The following PPP5C variants were observed in gnomAD, a reference collection of about 807,000 sequenced individuals.
The protein encoded by PPP5C is protein phosphatase 5 catalytic subunit.
In PPP5C, 21 loss-of-function variants were observed where a neutral mutation model predicts 66.7. That is an observed-to-expected ratio of 0.31 (90% confidence interval 0.22 to 0.45). The LOEUF (loss-of-function observed/expected upper bound fraction) is 0.45, where lower values mean the gene tolerates loss of function less well. PPP5C is among the 20% of genes least tolerant of loss of function. The pLI is 1.00. For synonymous variants in PPP5C, 246 were observed against 257.4 expected (o/e 0.96, Z 0.43); for missense variants, 464 against 675.9 (o/e 0.69, Z 3.48).
Position 46,376,317 on chromosome 19 carries a change from G to A in PPP5C, c.512-136G>A. 8.7e-7 allele frequency: 1 copy of A among 1,148,676 alleles called. No individual in the cohort carries two copies. Among genetic ancestry groups the A allele is most frequent in the Non-Finnish European group, 1.2e-6 (1 of 812,850 alleles). 71.2% of individuals were successfully genotyped at this position (1,148,676 alleles called of 1,614,324 possible). On this transcript the variant is annotated intron_variant, in intron 3 of 12. Transcript: ENST00000012443. The surrounding 1 kb of genome is among the most constrained non-coding windows in gnomAD (Gnocchi z 5.1). Reference sequence around the variant, plus strand: ...CTGGGCCAGACCTGACCCAGGAGGGGACTCTTCACTCACTCTGTCCCGCTC... The same window carrying A: ...CTGGGCCAGACCTGACCCAGGAGGGAACTCTTCACTCACTCTGTCCCGCTC...
intron 7 of PPP5C, 42 bp downstream of exon 7, chr19:46,384,951 C>G: frequency 7.1e-7 from 1 of 1,412,354 alleles, no homozygotes; most frequent in South Asian, 1.1e-5. Context: ...TTGTGGGGTC[C>G]TGAGTGGGGC....
rs1340617773 is a variant in PPP5C at position 46,383,183 on chromosome 19, C to T, written c.634-228C>T. The T allele has an allele frequency of 6.0e-6, 9 of 1,490,792 alleles. No individual in the cohort carries two copies. The highest frequency in any genetic ancestry group is 5.1e-5 in the East Asian group (2 of 39,052). The allele number at this position is 1,490,792 out of a possible 1,614,324, so 92.3% of individuals were successfully genotyped here. A position where few individuals can be genotyped will look rare whatever the true frequency, so the allele number is the denominator to read the frequency against. On this transcript the variant is annotated intron_variant, in intron 4 of 12. Transcript: ENST00000012443. This position sits in a 1 kb window ranked among gnomAD's most constrained non-coding sequence, Gnocchi z 5.0. ...TAAGATAATTCAAGAATCAGGTTTT[C>T]GTACAAAACAATCGCAATGCTTCGG...
intron 2 of PPP5C, among the ~76,000 whole-genome samples, chr19:46,370,569 T>G (rs780909364): frequency 6.6e-6 from 1 of 152,178 alleles, no homozygotes; most frequent in Non-Finnish European, 1.5e-5. Flanking sequence ...TCGCTTGGCT[T>G]CTTTTTTCGT....
intron 7 of PPP5C, among the ~76,000 whole-genome samples, chr19:46,385,771 C>A (rs1170969775): frequency 1.3e-5 from 2 of 148,230 alleles, no homozygotes; most frequent in Non-Finnish European, 3.0e-5. Context: ...TAGAGTGAGA[C>A]TCAGTCTAAA....
chr19:46,368,165 C>A (rs1041040155), intron 2 of PPP5C, among the ~76,000 whole-genome samples: 3 of 152,182 alleles, frequency 2.0e-5, no homozygotes, highest in African/African-American at 7.2e-5. Flanking sequence ...TTGAAAGCTG[C>A]AGGGGTGGAG....
In PPP5C at chr19:46,384,686, C is replaced by G. The variant is rs915932837; in HGVS notation, c.799-118C>G. 8.1e-6 allele frequency: 6 copies of G among 736,798 alleles called. No homozygotes were observed. In the Admixed American group the frequency reaches 1.2e-4, roughly 15 times the overall value. 45.6% of individuals were successfully genotyped at this position (736,798 alleles called of 1,614,324 possible). ...GTCCTCACTCCCTGGGAGGTGCTGA[C>G]AGGAGGCTTGAGGCCAGGCAGGAGC... On this transcript the variant is annotated intron_variant, in intron 6 of 12. Coordinates refer to ENST00000012443, the MANE Select transcript of PPP5C (RefSeq NM_006247.4).
At chr19:46,358,829 C>T (rs1387142825) in intron 2 of PPP5C, among the ~76,000 whole-genome samples, 2 of 152,224 alleles carry the variant, frequency 1.3e-5, no homozygotes, top group Non-Finnish European at 2.9e-5. Flanking sequence ...TAAGTGATGG[C>T]ATCCGTGTAT....
intron 11 of PPP5C, 120 bp from the exon 12 acceptor site, chr19:46,389,931 T>TGG: frequency 1.2e-6 from 1 of 836,690 alleles, no homozygotes; most frequent in Non-Finnish European, 2.0e-6. Context: ...TCCATCTGTG[T>TGG]CTGTTGTGGC....
At chr19:46,370,315 C>T (rs1246387279) in intron 2 of PPP5C, among the ~76,000 whole-genome samples, 1 of 152,052 alleles carries the variant, frequency 6.6e-6, no homozygotes, top group African/African-American at 2.4e-5. Context: ...ATTTCTTTTG[C>T]TTTTTAAACT....
intron 2 of PPP5C, 101 bp downstream of exon 2, chr19:46,354,090 C>T (rs1413899830): frequency 1.4e-6 from 2 of 1,472,188 alleles, no homozygotes; most frequent in African/African-American, 1.4e-5. Context: ...CCTCTACTTA[C>T]CACTCAGCCA....
intron 2 of PPP5C, among the ~76,000 whole-genome samples, chr19:46,364,936 T>A (rs910838679): frequency 6.6e-6 from 1 of 151,956 alleles, no homozygotes; most frequent in Non-Finnish European, 1.5e-5. Context: ...GCGGGGGGGC[T>A]GTCCTTTAAG....
At chr19:46,356,892 A>G (rs1044529001) in intron 2 of PPP5C, among the ~76,000 whole-genome samples, 3 of 152,182 alleles carry the variant, frequency 2.0e-5, no homozygotes, top group Non-Finnish European at 4.4e-5. Context: ...TAGATGGGGC[A>G]GGCTCTGGGC....
At chr19:46,374,115 C>T (rs752399774) in intron 2 of PPP5C, among the ~76,000 whole-genome samples, 4 of 152,220 alleles carry the variant, frequency 2.6e-5, no homozygotes, top group Non-Finnish European at 5.9e-5. Context: ...CACCCACCCA[C>T]AGCCCAGGTG....
At chr19:46,380,897 G>A (rs1429561229) in intron 4 of PPP5C, among the ~76,000 whole-genome samples, 1 of 152,014 alleles carries the variant, frequency 6.6e-6, no homozygotes, top group Non-Finnish European at 1.5e-5. Flanking sequence ...GAGTCTGTGG[G>A]TTAATATCTT....
At chr19:46,386,369 T>C (rs1271379749) in intron 7 of PPP5C, among the ~76,000 whole-genome samples, 1 of 152,098 alleles carries the variant, frequency 6.6e-6, no homozygotes, top group Non-Finnish European at 1.5e-5. Flanking sequence ...CTCACAGGGT[T>C]CACGCAGCAG....
intron 1 of PPP5C, among the ~76,000 whole-genome samples, chr19:46,348,862 G>T (rs560828235): frequency 7.5e-4 from 114 of 152,304 alleles, no homozygotes; most frequent in Admixed American, 2.1e-3. Context: ...GGTGCCTTTA[G>T]TCCGATGCTG....
At chr19:46,386,271 C>T (rs768726795) in intron 7 of PPP5C, among the ~76,000 whole-genome samples, 3 of 152,146 alleles carry the variant, frequency 2.0e-5, no homozygotes, top group Non-Finnish European at 2.9e-5. Flanking sequence ...GAGGGCCACA[C>T]AGGGGAGGCC....
intron 1 of PPP5C, among the ~76,000 whole-genome samples, chr19:46,349,569 T>C (rs1972146436): frequency 6.6e-6 from 1 of 151,916 alleles, no homozygotes. Context: ...AGGTAGAACC[T>C]TGGAAGTCAG....
Position 46,383,573 on chromosome 19 carries a change from T to C in PPP5C, c.699+97T>C. 7.8e-7 allele frequency: 1 copy of C among 1,287,356 alleles called. No homozygotes were observed. Among genetic ancestry groups the C allele is most frequent in the Non-Finnish European group, 1.1e-6 (1 of 927,478 alleles). The allele number at this position is 1,287,356 out of a possible 1,614,324, so 79.7% of individuals were successfully genotyped here. A position where few individuals can be genotyped will look rare whatever the true frequency, so the allele number is the denominator to read the frequency against. On this transcript the variant is annotated intron_variant, in intron 5 of 12. Coordinates refer to ENST00000012443, the MANE Select transcript of PPP5C (RefSeq NM_006247.4). This position sits in a 1 kb window ranked among gnomAD's most constrained non-coding sequence, Gnocchi z 5.0. ...TCAGGAACTCACGGATCCACCTCCC[T>C]CTCTCCCTCACACCCCACCCCTGTG...
Sources: gnomAD v4.1 joint callset for allele counts (sites outside exome capture counted in the v4.1 genomes callset) on GRCh38, gnomAD v4.1.1 for gene constraint, Gnocchi (gnomAD v3.1) non-coding constraint, MANE v1.5 for transcripts, NCBI Gene and HGNC (gene_info 2026-07-23, HGNC 2026-07-21) for gene names.